TRO: variants seen among roughly 807,000 people sequenced by gnomAD.
The protein encoded by TRO is MAGE superfamily protein.
A neutral mutation model predicts 42.3 loss-of-function variants in TRO; 29 were observed. The observed-to-expected ratio is 0.68, with a 90% confidence interval of 0.51 to 0.93. The LOEUF (loss-of-function observed/expected upper bound fraction) is 0.93, where lower values mean the gene tolerates loss of function less well. TRO is among the 40% of genes least tolerant of loss of function. TRO has a pLI of 0.00. For missense variants in TRO, 963 were observed against 1,127.7 expected (o/e 0.85, Z 2.09); for synonymous variants, 384 against 425.2 (o/e 0.90, Z 1.19).
chrX:54,928,507 T>G, intron 11 of TRO, 96 bp from the exon 12 acceptor site: 2 of 1,039,565 alleles, frequency 1.9e-6, no homozygotes, highest in Non-Finnish European at 2.5e-6. Flanking sequence ...ACTGAGAAGT[T>G]TAAAAAAGTA....
At position 54,930,070 on chromosome X, in the gene TRO, G is replaced by A. The variant is rs1230389791; in HGVS notation, c.3346G>A (p.Ala1116Thr). ...TGGCTTCGGTGGGGCACTTAGTACC[G>A]CTGCTGACTTCGGTGGTACTCCCAG... The part of the protein sequence containing the change: ...SAGFGGALST[A>T]ADFGGTPSNS... The change falls in exon 12 of 13, where the codon GCT (alanine) becomes ACT (threonine). Residue 1116 changes from alanine to threonine, a missense_variant. Ala to Thr is a moderately conservative substitution (Grantham distance 58). Transcript: ENST00000173898. 6.7e-6 allele frequency: 8 copies of A among 1,192,515 alleles called. No individual in the cohort carries two copies. The highest frequency in any genetic ancestry group is 1.9e-5 in the African/African-American group (1 of 53,987).
chrX:54,930,833 G>C lies in TRO; in HGVS notation c.4109G>C (p.Gly1370Ala). Residue 1370 changes from glycine (G) to alanine (A), a missense_variant, in exon 12 of 13, where the codon GGA becomes GCA. This residue lies in a region of TRO where 641 missense variants were observed against 811.3 expected (regional missense o/e 0.79). Coordinates refer to ENST00000173898, the MANE Select transcript of TRO (RefSeq NM_001039705.3). ...GPSSIVGFSG[G>A]PSTGVGFCSG... ...AGTTCTATTGTTGGCTTCAGCGGTGGACCAAGCACTGGTGTTGGCTTCTGC... is the reference window on the plus strand; with the variant it reads ...AGTTCTATTGTTGGCTTCAGCGGTGCACCAAGCACTGGTGTTGGCTTCTGC... The C allele has an allele frequency of 8.3e-7, 1 of 1,211,458 alleles. No homozygotes were observed.
intron 11 of TRO, 92 bp downstream of exon 11, chrX:54,927,873 C>T: frequency 3.1e-6 from 2 of 653,969 alleles, no homozygotes; most frequent in Non-Finnish European, 2.3e-6. Flanking sequence ...AGGTACAGAG[C>T]AGCCTGCAGC....
chrX:54,922,579 GC>G lies in TRO; in HGVS notation c.50del (p.Pro17LeufsTer28). On this transcript the variant is annotated frameshift_variant and splice_region_variant, in exon 3 of 13. Transcript: ENST00000173898. ...DYGYRVPLFQGPLPPPGSLGL... is the reference protein window; with the variant it reads ...DYGYRVPLFQXPLPPPGSLGL... ...AGGATGGTAATCCTAAGTGTGTAGG[GC>G]CCTCTGCCTCCCCCGGGGAGCCTGG... The G allele has an allele frequency of 8.3e-7, 1 of 1,205,684 alleles. No homozygotes were observed. Among genetic ancestry groups the G allele is most frequent in the Non-Finnish European group, 1.1e-6 (1 of 892,309 alleles).
intron 9 of TRO, 21 bp from the exon 10 acceptor site, chrX:54,927,022 G>T: frequency 8.3e-7 from 1 of 1,210,674 alleles, no homozygotes; most frequent in Non-Finnish European, 1.1e-6. Context: ...TGTGTTCATG[G>T]GTTATTTTTC....
At position 54,922,739 on chromosome X, in the gene TRO, C is replaced by T; in HGVS notation, c.207C>T (p.Ser69=). The change falls in exon 3 of 13, where the codon AGC becomes AGT. Residue 69 remains serine (S), a synonymous_variant. Coordinates refer to ENST00000173898, the MANE Select transcript of TRO (RefSeq NM_001039705.3). ...DPPVVNRPKK[S]KTKKAPIKTI... ...CAGTTGTCAACCGGCCTAAGAAAAG[C>T]AAGACCAAGAAGGCCCCTATAAAGA... 8.3e-7 allele frequency: 1 copy of T among 1,207,253 alleles called. No homozygotes were observed.
At chrX:54,925,183 T>A (rs1932601289) in intron 6 of TRO, 115 bp downstream of exon 6, 5 of 722,987 alleles carry the variant, frequency 6.9e-6, no homozygotes, top group Non-Finnish European at 1.0e-5. Flanking sequence ...CCCATTACTG[T>A]GTGAATGGGC....
At chrX:54,923,797 C>T (rs139417772) in intron 3 of TRO, 29 bp downstream of exon 3, 7 of 1,139,675 alleles carry the variant, frequency 6.1e-6, no homozygotes, top group Admixed American at 2.7e-5. Context: ...CCATCCTTAA[C>T]TTTGTGCTTC....
In TRO at chrX:54,928,698, A is replaced by C; in HGVS notation, c.1974A>C (p.Glu658Asp). ...QAAAVAVAEA[E>D]ARAEARAQMG... is the part of the protein sequence containing the mutation. ...CAGCTGTGGCTGTGGCTGAGGCTGA[A>C]GCCAGGGCTGAGGCAAGAGCCCAAA... Residue 658 changes from glutamate (E) to aspartate (D), a missense_variant, in exon 12 of 13, where the codon GAA becomes GAC. Coordinates refer to ENST00000173898, the MANE Select transcript of TRO (RefSeq NM_001039705.3). 8.3e-7 allele frequency: 1 copy of C among 1,209,366 alleles called. No individual in the cohort carries two copies. Among genetic ancestry groups the C allele is most frequent in the Non-Finnish European group, 1.1e-6 (1 of 894,305 alleles).
rs767042926 is a variant in TRO, at chrX:54,922,268, G to T, written c.22G>T (p.Gly8Ter). Reference sequence around the variant, plus strand: ...AAAGATGGATAGGAGAAATGACTACGGATATAGGGTGCCTCTATTTCAGGT... The same window carrying T: ...AAAGATGGATAGGAGAAATGACTACTGATATAGGGTGCCTCTATTTCAGGT... MDRRNDY[G>*]YRVPLFQGPL... The change falls in exon 2 of 13, where the codon GGA becomes TGA. Residue 8 changes from glycine to a stop codon, truncating the protein, a stop_gained. Coordinates refer to ENST00000173898, the MANE Select transcript of TRO (RefSeq NM_001039705.3). LOFTEE classifies it high-confidence loss of function. 10 of 1,209,141 alleles carry T rather than the reference G, an allele frequency of 8.3e-6. No individual in the cohort carries two copies. Among genetic ancestry groups the T allele is most frequent in the East Asian group, 3.0e-5 (1 of 33,784 alleles).
chrX:54,922,658 C>T lies in TRO; in HGVS notation c.126C>T (p.Val42=). The change falls in exon 3 of 13, where the codon GTC becomes GTT. Residue 42 remains valine (V), a synonymous_variant. Transcript: ENST00000173898. ...IQTETTEEDS[V]LLMHTLLAAT... ...CTGAGACCACAGAAGAGGACAGTGT[C>T]CTGCTGATGCATACCCTGTTGGCGG... 1 of 1,211,474 alleles carries T rather than the reference C, an allele frequency of 8.3e-7. No individual in the cohort carries two copies. The highest frequency in any genetic ancestry group is 1.1e-6 in the Non-Finnish European group (1 of 895,425).
chrX:54,922,447 G>A, intron 2 of TRO, 131 bp from the exon 3 acceptor site: 1 of 903,296 alleles, frequency 1.1e-6, no homozygotes, highest in Non-Finnish European at 1.5e-6. Flanking sequence ...AAACCTGCCT[G>A]ACTCTATTCC....
chrX:54,925,706 TG>T, intron 7 of TRO, 23 bp downstream of exon 7: 1 of 1,147,485 alleles, frequency 8.7e-7, no homozygotes, highest in Non-Finnish European at 1.2e-6. Flanking sequence ...AGGGCTGGAG[TG>T]GGAAGGAAGC....
intron 1 of TRO, 67 bp downstream of exon 1, chrX:54,920,945 C>G (rs1931960657): frequency 9.0e-6 from 1 of 111,263 alleles, no homozygotes; most frequent in African/African-American, 3.3e-5. Flanking sequence ...TTCGACGTGC[C>G]TGACTCCACA....
chrX:54,922,457 C>T, intron 2 of TRO, 121 bp from the exon 3 acceptor site: 1 of 908,692 alleles, frequency 1.1e-6, no homozygotes, highest in Non-Finnish European at 1.5e-6. Context: ...GACTCTATTC[C>T]TTCCTTGCTC....
chrX:54,931,069 T>C (rs766520315), intron 12 of TRO, 38 bp downstream of exon 12: 52 of 1,168,175 alleles, frequency 4.5e-5, no homozygotes, highest in Non-Finnish European at 5.9e-5. Context: ...CCCACAGGGA[T>C]GGGTACAAGA....
rs1400010414 is a variant in TRO, at chrX:54,930,629, C to T, written c.3905C>T (p.Thr1302Ile). Residue 1302 changes from threonine (T) to isoleucine (I), a missense_variant, in exon 12 of 13, where the codon ACA (threonine) becomes ATA (isoleucine). Thr to Ile is a moderately conservative substitution (Grantham distance 89). This residue lies in a region of TRO where 641 missense variants were observed against 811.3 expected (regional missense o/e 0.79). Coordinates refer to ENST00000173898, the MANE Select transcript of TRO (RefSeq NM_001039705.3). ...GGCACCAATGCTAGTTTCGGCAGCA[C>T]ACTTGGCACCAGTGCTGGCTTTAGT... ...GLGTNASFGS[T>I]LGTSAGFSGG... 1.7e-6 allele frequency: 2 copies of T among 1,205,435 alleles called. No homozygotes were observed. Among genetic ancestry groups the T allele is most frequent in the South Asian group, 1.8e-5 (1 of 56,569 alleles).
At chrX:54,927,610 A>T (rs2146557070) in intron 10 of TRO, 57 bp from the exon 11 acceptor site, 2 of 972,257 alleles carry the variant, frequency 2.1e-6, no homozygotes, top group South Asian at 4.3e-5. Context: ...CCTGGTGTCT[A>T]GTGCTTAGAC....
At position 54,930,799 on chromosome X, in the gene TRO, A is replaced by G. The variant is rs1478555549; in HGVS notation, c.4075A>G (p.Ser1359Gly). ...ACCCAGCACCAGCACGGGCTTCAGT[A>G]GTGGACCCAGTTCTATTGTTGGCTT... ...GEPSTSTGFS[S>G]GPSSIVGFSG... Residue 1359 changes from serine (S) to glycine (G), a missense_variant, in exon 12 of 13, where the codon AGT (serine) becomes GGT (glycine). Ser to Gly is a moderately conservative substitution (Grantham distance 56). This residue lies in a region of TRO where 641 missense variants were observed against 811.3 expected (regional missense o/e 0.79). Coordinates refer to ENST00000173898, the MANE Select transcript of TRO (RefSeq NM_001039705.3). 8.3e-7 allele frequency: 1 copy of G among 1,210,601 alleles called. No homozygotes were observed. Among genetic ancestry groups the G allele is most frequent in the Admixed American group, 2.2e-5 (1 of 45,888 alleles).
Sources: allele counts gnomAD v4.1 joint callset, GRCh38; gene constraint gnomAD v4.1.1; regional missense constraint gnomAD v4.1.1; transcripts MANE v1.5; gene names NCBI Gene and HGNC (gene_info 2026-07-23, HGNC 2026-07-21).